Variants in CST11 observed in about 807,000 individuals in gnomAD.
The protein encoded by CST11 is cystatin 11, also known as cystatin-11.
CST11 carries 13 observed loss-of-function variants against 14.0 expected under a neutral mutation model. The observed-to-expected ratio is 0.93, with a 90% CI of 0.60 to 1.47. The LOEUF (loss-of-function observed/expected upper bound fraction) is 1.47. CST11 is among the 40% of genes most tolerant of loss of function. CST11 has a pLI of 0.00. For synonymous variants in CST11, 64 were observed against 57.8 expected (o/e 1.11, Z -0.48); for missense variants, 181 against 160.0 (o/e 1.13, Z -0.71).
chr20:23,452,034 C>T (rs981872409), intron 1 of CST11, 114 bp from the exon 2 acceptor site: 44 of 668,624 alleles, frequency 6.6e-5, no homozygotes, highest in Middle Eastern at 4.1e-4. Context: ...TGGTCCTAGG[C>T]GGATTAGCGG....
In CST11 at chr20:23,451,891, A is replaced by T. The variant is rs2236021; in HGVS notation, c.258T>A (p.Asn86Lys). 6.2e-7 allele frequency: 1 copy of T among 1,613,686 alleles called. No homozygotes were observed. The highest frequency in any genetic ancestry group is 1.7e-5 in the Admixed American group (1 of 60,008). ...GGCAGGTGGTCCACTGCATTTCCAC[A>T]TTCAGGTGATACTCCAGGTGGTCAG... ...QVTDHLEYHL[N>K]VEMQWTTCQK... Residue 86 changes from asparagine to lysine, a missense_variant, in exon 2 of 3, where the codon AAT becomes AAA. Coordinates refer to ENST00000377009, the MANE Select transcript of CST11 (RefSeq NM_130794.2).
Position 23,452,621 on chromosome 20 carries a change from T to G in CST11, c.191A>C (p.His64Pro), listed in dbSNP as rs1192639314. The change falls in exon 1 of 3, where the codon CAC (histidine) becomes CCC (proline). Residue 64 changes from histidine to proline, a missense_variant. Physicochemically the swap from His to Pro is moderately conservative, Grantham distance 77 (BLOSUM62 -2). Transcript: ENST00000377009. Reference sequence around the variant, plus strand: ...TTTAAGGACTCGGAAGATCCTGAAGTGGTACTTGTCATCACTTTCCTTGTT... The same window carrying G: ...TTTAAGGACTCGGAAGATCCTGAAGGGGTACTTGTCATCACTTTCCTTGTT... ...QYNKESDDKY[H>P]FRIFRVLKVQ... The G allele has an allele frequency of 6.2e-7, 1 of 1,613,770 alleles. No individual in the cohort carries two copies. The highest frequency in any genetic ancestry group is 1.3e-5 in the African/African-American group (1 of 74,884).
chr20:23,451,399 C>G (rs1987085042), intron 2 of CST11, among the ~76,000 whole-genome samples: 1 of 152,218 alleles, frequency 6.6e-6, no homozygotes, highest in Admixed American at 6.5e-5. Context: ...CCTCCTCCCC[C>G]TGGATGAACA....
chr20:23,451,943 A>AG, intron 1 of CST11, 23 bp from the exon 2 acceptor site: 1 of 1,564,856 alleles, frequency 6.4e-7, no homozygotes, highest in East Asian at 2.2e-5. Context: ...GGCGTGGGGG[A>AG]GGCACAGCTT....
In CST11 at chr20:23,450,516, C is replaced by A. The variant is rs775148162; in HGVS notation, c.407G>T (p.Ser136Ile). 1 of 1,611,520 alleles carries A rather than the reference C, an allele frequency of 6.2e-7. No individual in the cohort carries two copies. The highest frequency in any genetic ancestry group is 8.5e-7 in the Non-Finnish European group (1 of 1,177,916). The change falls in exon 3 of 3, where the codon AGC (serine) becomes ATC (isoleucine). Residue 136 changes from serine (S) to isoleucine (I), a missense_variant. Physicochemically the swap from Ser to Ile is moderately radical, Grantham distance 142. Transcript: ENST00000377009. The stretch of plus-strand genomic sequence containing the variant: ...TACACTCCAGGACACCTAGTCACTG[C>A]TGCAGCTTTTGTTCAAAATTTTGTA... Reference protein sequence around the residue: ...EQYKILNKSCSSD With the variant: ...EQYKILNKSCISD
chr20:23,450,567 A>T lies in CST11; in HGVS notation c.356T>A (p.Val119Glu), dbSNP rs1482334903. 6.2e-7 allele frequency: 1 copy of T among 1,610,672 alleles called. No individual in the cohort carries two copies. The highest frequency in any genetic ancestry group is 8.5e-7 in the Non-Finnish European group (1 of 1,177,568). Residue 119 changes from valine (V) to glutamate (E), a missense_variant, in exon 3 of 3, where the codon GTG becomes GAG. Coordinates refer to ENST00000377009, the MANE Select transcript of CST11 (RefSeq NM_130794.2). ...CTGTTCAAACCAGGGTACAGCAAACACTGAGAAGAAGCAGTTGACTTGCTA... is the reference window on the plus strand; with the variant it reads ...CTGTTCAAACCAGGGTACAGCAAACTCTGAGAAGAAGCAGTTGACTTGCTA... ...LHKQVNCFFS[V>E]FAVPWFEQYK...
intron 2 of CST11, 48 bp from the exon 3 acceptor site, chr20:23,450,637 T>C (rs777320536): frequency 1.4e-6 from 2 of 1,453,270 alleles, no homozygotes; most frequent in Non-Finnish European, 9.5e-7. Context: ...CAGGTGAAAT[T>C]TAAAAGGAGA....
chr20:23,451,028 C>T (rs2424560), intron 2 of CST11, among the ~76,000 whole-genome samples: 41,261 of 152,006 alleles, frequency 0.27, 6,453 homozygotes, highest in Admixed American at 0.35. Context: ...TTCAGTCCAT[C>T]CCCCATCCAT....
In CST11 at chr20:23,452,707, A is replaced by G. The variant is rs1439528840; in HGVS notation, c.105T>C (p.His35=). The G allele has an allele frequency of 6.2e-7, 1 of 1,614,072 alleles. No individual in the cohort carries two copies. The highest frequency in any genetic ancestry group is 2.2e-5 in the East Asian group (1 of 44,874). The stretch of plus-strand genomic sequence containing the variant: ...CATAGTTTTCTACTGCCATCACTTC[A>G]TGGACGCTTAGAAAGGTTTTCTTCC... ...QARKKTFLSV[H]EVMAVENYAK... is the part of the protein sequence containing the mutation. The change falls in exon 1 of 3, where the codon CAT becomes CAC. Residue 35 remains histidine (H), a synonymous_variant. Coordinates refer to ENST00000377009, the MANE Select transcript of CST11 (RefSeq NM_130794.2).
chr20:23,451,549 C>T (rs1987089060), intron 2 of CST11, among the ~76,000 whole-genome samples: 1 of 152,158 alleles, frequency 6.6e-6, no homozygotes, highest in Admixed American at 6.5e-5. Context: ...CTTCCCTCGC[C>T]CCAGAGTGTG....
Position 23,450,581 on chromosome 20 carries a change from G to T in CST11, c.342C>A (p.Asn114Lys). 6.2e-7 allele frequency: 1 copy of T among 1,607,362 alleles called. No individual in the cohort carries two copies. The highest frequency in any genetic ancestry group is 8.5e-7 in the Non-Finnish European group (1 of 1,175,636). The change falls in exon 3 of 3, where the codon AAC becomes AAA. Residue 114 changes from asparagine to lysine, a missense_variant. By Grantham distance (94) the Asn-to-Lys change is moderately conservative (BLOSUM62 0). Coordinates refer to ENST00000377009, the MANE Select transcript of CST11 (RefSeq NM_130794.2). The part of the protein sequence containing the change: ...PQERELHKQV[N>K]CFFSVFAVPW... The stretch of plus-strand genomic sequence containing the variant: ...GTACAGCAAACACTGAGAAGAAGCA[G>T]TTGACTTGCTAAAACAAAAAACAAA...
At position 23,452,808 on chromosome 20, in the gene CST11, T is replaced by C. The variant is rs760311003; in HGVS notation, c.4A>G (p.Met2Val). 6.2e-7 allele frequency: 1 copy of C among 1,612,412 alleles called. No homozygotes were observed. The highest frequency in any genetic ancestry group is 8.5e-7 in the Non-Finnish European group (1 of 1,178,738). The change falls in exon 1 of 3, where the codon ATG becomes GTG. Residue 2 changes from methionine to valine, a missense_variant. By Grantham distance (21) the Met-to-Val change is conservative. Coordinates refer to ENST00000377009, the MANE Select transcript of CST11 (RefSeq NM_130794.2). The part of the protein sequence containing the change: M[M>V]AEPWQALQLL... ...TGTAGGGCCTGCCAGGGCTCAGCCA[T>C]CATCCTTCAGCTGCAGAGGAACAGG... is the stretch of plus-strand genomic sequence containing the variant.
chr20:23,451,956 C>T (rs944083826), intron 1 of CST11, 36 bp from the exon 2 acceptor site: 9 of 1,496,374 alleles, frequency 6.0e-6, no homozygotes, highest in African/African-American at 5.6e-5. Context: ...CACAGCTTGT[C>T]CCCTTCTCCC....
At chr20:23,451,793 G>T (rs764289870) in intron 2 of CST11, 23 bp downstream of exon 2, 2 of 1,567,512 alleles carry the variant, frequency 1.3e-6, no homozygotes, top group East Asian at 2.3e-5. Flanking sequence ...TTCTGTCTAC[G>T]TTAAAGTGCT....
At chr20:23,452,236 A>G (rs1230436987) in intron 1 of CST11, among the ~76,000 whole-genome samples, 2 of 152,158 alleles carry the variant, frequency 1.3e-5, no homozygotes, top group African/African-American at 4.8e-5. Flanking sequence ...CTTACGTTTT[A>G]TTGGCCATGT....
chr20:23,451,903 C>T lies in CST11; in HGVS notation c.246G>A (p.Glu82=), dbSNP rs1987101825. 1.2e-6 allele frequency: 2 copies of T among 1,613,772 alleles called. No individual in the cohort carries two copies. Among genetic ancestry groups the T allele is most frequent in the Admixed American group, 1.7e-5 (1 of 60,000 alleles). The change falls in exon 2 of 3, where the codon GAG becomes GAA. Residue 82 remains glutamate (E), a synonymous_variant. Transcript: ENST00000377009. ...KVQRQVTDHL[E]YHLNVEMQWT... is the part of the protein sequence containing the mutation. ...ACTGCATTTCCACATTCAGGTGATA[C>T]TCCAGGTGGTCAGTGACCTGTGGGC...
intron 2 of CST11, among the ~76,000 whole-genome samples, chr20:23,451,459 G>T: frequency 6.6e-6 from 1 of 152,198 alleles, no homozygotes; most frequent in East Asian, 1.9e-4. Context: ...GCGCGGCCTT[G>T]TCATGTTGAC....
intron 1 of CST11, among the ~76,000 whole-genome samples, chr20:23,452,124 T>C (rs1335024090): frequency 6.6e-6 from 1 of 152,238 alleles, no homozygotes; most frequent in Non-Finnish European, 1.5e-5. Flanking sequence ...AAACATGAAC[T>C]TTCCCCCTGG....
chr20:23,452,542 G>T, intron 1 of CST11, 42 bp downstream of exon 1: 1 of 1,285,124 alleles, frequency 7.8e-7, no homozygotes, highest in Non-Finnish European at 1.1e-6. Flanking sequence ...ACCCGATGTG[G>T]GCGTATCAGG....
Sources: allele counts gnomAD v4.1 joint callset (sites outside exome capture counted in the v4.1 genomes callset), GRCh38; gene constraint gnomAD v4.1.1; transcripts MANE v1.5; gene names NCBI Gene and HGNC (gene_info 2026-07-23, HGNC 2026-07-21).